Variants in ZFPM1 observed in about 807,000 individuals in gnomAD.
The protein encoded by ZFPM1 is zinc finger protein ZFPM1.
A neutral mutation model predicts 46.3 loss-of-function variants in ZFPM1; 28 were observed. The observed-to-expected ratio is 0.60, with a 90% CI of 0.45 to 0.83. The LOEUF (loss-of-function observed/expected upper bound fraction) is 0.83. Among genes scored for constraint, ZFPM1 ranks in the 40% least tolerant of loss-of-function variants. The probability of loss-of-function intolerance (pLI) is 0.00; values close to 1 mark genes in which losing one functional copy is unlikely to be tolerated. For missense variants in ZFPM1, 1,878 were observed against 1,432.4 expected (o/e 1.31, Z -5.02); for synonymous variants, 957 against 675.9 (o/e 1.42, Z -6.45).
chr16:88,527,396 G>A (rs995925137), intron 5 of ZFPM1, among the ~76,000 whole-genome samples: 1 of 152,154 alleles, frequency 6.6e-6, no homozygotes, highest in Non-Finnish European at 1.5e-5. Flanking sequence ...AGGGTGGCAC[G>A]TCTGGGTGGC....
chr16:88,462,418 TC>T (rs1907939268), intron 1 of ZFPM1, among the ~76,000 whole-genome samples: 1 of 152,234 alleles, frequency 6.6e-6, no homozygotes, highest in African/African-American at 2.4e-5. Context: ...TCCACCCATT[TC>T]GCACGTGAGA....
Position 88,473,869 on chromosome 16 carries a change from G to A in ZFPM1, c.41-12070G>A, listed in dbSNP as rs144751523. 2.8e-4 allele frequency among the ~76,000 whole-genome samples: 42 copies of A among 152,216 alleles called. No individual in the cohort carries two copies. The East Asian group carries it at 7.9e-3, about 29-fold the overall frequency. ...GCCCGCCACGGCCCCACGCGGCCTCGCCACCCCCACCCACATCCCATCCCT... is the reference window on the plus strand; with the variant it reads ...GCCCGCCACGGCCCCACGCGGCCTCACCACCCCCACCCACATCCCATCCCT... On this transcript the variant is annotated intron_variant, in intron 1 of 9. Coordinates refer to ENST00000319555, the MANE Select transcript of ZFPM1 (RefSeq NM_153813.3).
chr16:88,510,990 G>A (rs561687499), intron 3 of ZFPM1, among the ~76,000 whole-genome samples: 1 of 152,272 alleles, frequency 6.6e-6, no homozygotes, highest in East Asian at 1.9e-4. Flanking sequence ...GTTTTTGGGA[G>A]CCACAGCTAG....
chr16:88,496,184 C>T (rs1050440497), intron 3 of ZFPM1, among the ~76,000 whole-genome samples: 10 of 152,298 alleles, frequency 6.6e-5, no homozygotes, highest in East Asian at 3.9e-4. Context: ...CAGCACACAT[C>T]CCCTGCCTGG....
Position 88,493,966 on chromosome 16 carries a change from AGT to A in ZFPM1, c.268+4815_268+4816del, listed in dbSNP as rs2142387390. 1.3e-5 allele frequency among the ~76,000 whole-genome samples: 2 copies of A among 152,284 alleles called. 1 individual carries two copies. The highest frequency in any genetic ancestry group is 4.1e-4 in the South Asian group (2 of 4,830). The stretch of plus-strand genomic sequence containing the variant: ...CAGGCCCTATAGTCCAGCCTCGCTG[AGT>A]GACAGCAGGCAGGCCGCCTGACCCC... On this transcript the variant is annotated intron_variant, in intron 3 of 9. Coordinates refer to ENST00000319555, the MANE Select transcript of ZFPM1 (RefSeq NM_153813.3).
chr16:88,501,619 G>A lies in ZFPM1; in HGVS notation c.268+12466G>A, dbSNP rs1268539834. Among the ~76,000 whole-genome samples the A allele has an allele frequency of 1.5e-5, 2 of 136,896 alleles. 1 individual carries two copies. Among genetic ancestry groups the A allele is most frequent in the Non-Finnish European group, 3.2e-5 (2 of 62,944 alleles). 89.8% of individuals were successfully genotyped at this position (136,896 alleles called of 152,430 possible). A position where few individuals can be genotyped will look rare whatever the true frequency, so the allele number is the denominator to read the frequency against. On this transcript the variant is annotated intron_variant, in intron 3 of 9. Coordinates refer to ENST00000319555, the MANE Select transcript of ZFPM1 (RefSeq NM_153813.3). ...TCTCCCGCAGGTACTGGTGATGATG[G>A]AGATAGTGGGCCTGGGTGCGTGGGC...
At chr16:88,494,353 T>C (rs2142388172) in intron 3 of ZFPM1, among the ~76,000 whole-genome samples, 1 of 151,998 alleles carries the variant, frequency 6.6e-6, no homozygotes, top group East Asian at 1.9e-4. Flanking sequence ...CCCGTTACCC[T>C]CTCAGCACCA....
chr16:88,479,518 T>C (rs997587042), intron 1 of ZFPM1, among the ~76,000 whole-genome samples: 1 of 152,000 alleles, frequency 6.6e-6, no homozygotes, highest in Non-Finnish European at 1.5e-5. Context: ...TAGCGTGGCC[T>C]CAACAGAGCG....
chr16:88,494,025 G>C (rs1909781137), intron 3 of ZFPM1, among the ~76,000 whole-genome samples: 1 of 152,144 alleles, frequency 6.6e-6, no homozygotes, highest in Admixed American at 6.5e-5. Flanking sequence ...CTGTAAAATG[G>C]ACATAAGGAA....
chr16:88,484,787 G>A (rs1388532766), intron 1 of ZFPM1, among the ~76,000 whole-genome samples: 1 of 152,214 alleles, frequency 6.6e-6, no homozygotes, highest in Non-Finnish European at 1.5e-5. Flanking sequence ...CCCCGCCGGC[G>A]GATGTCAGCA....
chr16:88,465,768 G>A (rs780947143), intron 1 of ZFPM1, among the ~76,000 whole-genome samples: 27 of 152,218 alleles, frequency 1.8e-4, no homozygotes, highest in Non-Finnish European at 3.1e-4. Flanking sequence ...TGGGACTCAG[G>A]TGCCATCGCG....
At chr16:88,515,645 G>A (rs1470402720) in intron 4 of ZFPM1, among the ~76,000 whole-genome samples, 3 of 152,218 alleles carry the variant, frequency 2.0e-5, no homozygotes, top group Non-Finnish European at 4.4e-5. Flanking sequence ...TGGGCACTGC[G>A]GCCAGCAGCC....
At chr16:88,461,275 G>A (rs1028178289) in intron 1 of ZFPM1, among the ~76,000 whole-genome samples, 6 of 150,164 alleles carry the variant, frequency 4.0e-5, no homozygotes, top group East Asian at 3.9e-4. Flanking sequence ...CGACGGGTGC[G>A]AGGCCTGGTG....
chr16:88,494,172 G>A (rs553272648), intron 3 of ZFPM1, among the ~76,000 whole-genome samples: 3 of 152,204 alleles, frequency 2.0e-5, no homozygotes, highest in Admixed American at 1.3e-4. Flanking sequence ...GGGTTATCTC[G>A]GATTGGGGGG....
In ZFPM1 at chr16:88,475,191, C is replaced by T. The variant is rs577874479; in HGVS notation, c.41-10748C>T. 7.9e-5 allele frequency among the ~76,000 whole-genome samples: 12 copies of T among 152,350 alleles called. No homozygotes were observed. The South Asian group carries it at 1.9e-3, about 24-fold the overall frequency. ...GATGCCAGCCCTGCACCAGAGCAGG[C>T]GAGGCAGGTGGACGCTCCCGTGGGG... On this transcript the variant is annotated intron_variant, in intron 1 of 9. Coordinates refer to ENST00000319555, the MANE Select transcript of ZFPM1 (RefSeq NM_153813.3).
At chr16:88,502,179 C>A (rs1421793699) in intron 3 of ZFPM1, among the ~76,000 whole-genome samples, 5 of 151,820 alleles carry the variant, frequency 3.3e-5, no homozygotes, top group African/African-American at 1.2e-4. Flanking sequence ...CGGCCGTGGA[C>A]GCAGCTGATA....
At chr16:88,522,553 G>A (rs777453493) in intron 4 of ZFPM1, among the ~76,000 whole-genome samples, 1 of 152,252 alleles carries the variant, frequency 6.6e-6, no homozygotes, top group Non-Finnish European at 1.5e-5. Flanking sequence ...GTTTGGGAAC[G>A]GCCTCAGATA....
chr16:88,518,685 A>G (rs1337978572), intron 4 of ZFPM1, among the ~76,000 whole-genome samples: 6 of 141,766 alleles, frequency 4.2e-5, no homozygotes, highest in Admixed American at 2.1e-4. Context: ...GGGTGGGTGG[A>G]TGGATGGGTG....
intron 1 of ZFPM1, among the ~76,000 whole-genome samples, chr16:88,456,745 T>C (rs1907579277): frequency 6.6e-6 from 1 of 152,100 alleles, no homozygotes; most frequent in Non-Finnish European, 1.5e-5. Context: ...GTGATGGAGT[T>C]GGTCAGGTCC....
Sources: gnomAD v4.1 joint callset for allele counts (sites outside exome capture counted in the v4.1 genomes callset) on GRCh38, gnomAD v4.1.1 for gene constraint, MANE v1.5 for transcripts, NCBI Gene and HGNC (gene_info 2026-07-23, HGNC 2026-07-21) for gene names.